CHODL: variants seen among roughly 807,000 people sequenced by gnomAD.
CHODL encodes chondrolectin.
Under a neutral mutation model 34.5 loss-of-function variants are expected in CHODL, and 29 were observed. The observed-to-expected ratio is 0.84, with a 90% CI of 0.63 to 1.15. CHODL has a LOEUF of 1.15. Among genes scored for constraint, CHODL ranks in the 50% most tolerant of loss-of-function variants. The pLI is 0.00. For missense variants in CHODL, 332 were observed against 332.5 expected, an observed-to-expected ratio of 1.00 and a Z score of 0.01; for synonymous variants, 125 against 116.1, an observed-to-expected ratio of 1.08 and a Z score of -0.49.
intron 2 of CHODL, among the ~76,000 whole-genome samples, chr21:18,123,723 C>A (rs1239265321): frequency 1.3e-5 from 2 of 152,090 alleles, no homozygotes; most frequent in Non-Finnish European, 2.9e-5. Flanking sequence ...CTTCTTAAGG[C>A]CTCACCTCCC....
At chr21:18,150,631 G>T (rs973856852) in intron 2 of CHODL, among the ~76,000 whole-genome samples, 2 of 152,084 alleles carry the variant, frequency 1.3e-5, no homozygotes, top group African/African-American at 4.8e-5. Flanking sequence ...CCCATTCAGG[G>T]GAACTCCACC....
intron 2 of CHODL, among the ~76,000 whole-genome samples, chr21:18,125,029 A>G (rs1320858632): frequency 6.6e-6 from 1 of 152,218 alleles, no homozygotes; most frequent in African/African-American, 2.4e-5. Context: ...CAGTAAATAT[A>G]CATGCATCAG....
At chr21:18,157,831 A>C (rs2146637828) in intron 2 of CHODL, among the ~76,000 whole-genome samples, 1 of 152,320 alleles carries the variant, frequency 6.6e-6, no homozygotes, top group East Asian at 1.9e-4. Flanking sequence ...TAATCTATAT[A>C]ATATAATCTA....
At position 18,256,623 on chromosome 21, in the gene CHODL, G is replaced by A. The variant is rs759939160; in HGVS notation, c.194G>A (p.Gly65Glu). 6.2e-7 allele frequency: 1 copy of A among 1,614,076 alleles called. No homozygotes were observed. Among genetic ancestry groups the A allele is most frequent in the South Asian group, 1.1e-5 (1 of 91,066 alleles). ...GCACGCCTGGCTTGTGAGAGTGAGG[G>A]AGGAGTCCTCCTCAGCCTTGAGAAT... is the stretch of plus-strand genomic sequence containing the variant. ...QEARLACESE[G>E]GVLLSLENEA... Residue 65 changes from glycine (G) to glutamate (E), a missense_variant, in exon 2 of 6, where the codon GGA becomes GAA. Gly to Glu is a moderately conservative substitution (Grantham distance 98). Coordinates refer to ENST00000299295, the MANE Select transcript of CHODL (RefSeq NM_024944.3).
At position 18,262,681 on chromosome 21, in the gene CHODL, A is replaced by G. The variant is rs912269283; in HGVS notation, c.635-110A>G. On this transcript the variant is annotated intron_variant, in intron 4 of 5. Coordinates refer to ENST00000299295, the MANE Select transcript of CHODL (RefSeq NM_024944.3). ...TATTTTGAGAAGAACTTTGGGGTCAATTTATTGAAAATTCTATTTCACCTG... is the reference window on the plus strand; with the variant it reads ...TATTTTGAGAAGAACTTTGGGGTCAGTTTATTGAAAATTCTATTTCACCTG... 2.0e-5 allele frequency: 13 copies of G among 659,886 alleles called. No individual in the cohort carries two copies. The African/African-American group carries it at 2.3e-4, about 12-fold the overall frequency. The allele number at this position is 659,886 out of a possible 1,614,324, so 40.9% of individuals were successfully genotyped here.
chr21:18,064,947 G>T (rs1208366776), intron 2 of CHODL, among the ~76,000 whole-genome samples: 3 of 152,180 alleles, frequency 2.0e-5, no homozygotes, highest in Admixed American at 2.0e-4. Flanking sequence ...ATTTGTGTCA[G>T]TGGGACTAGT....
At chr21:18,188,670 T>C (rs1344183748) in intron 2 of CHODL, among the ~76,000 whole-genome samples, 1 of 152,214 alleles carries the variant, frequency 6.6e-6, no homozygotes, top group Non-Finnish European at 1.5e-5. Context: ...GAACACAATC[T>C]GAATGATTTA....
intron 1 of CHODL, among the ~76,000 whole-genome samples, chr21:17,998,270 G>T (rs952079881): frequency 3.9e-5 from 6 of 152,224 alleles, no homozygotes; most frequent in African/African-American, 1.4e-4. Flanking sequence ...GGTGAGTTCT[G>T]ATGGTCTTGG....
At chr21:18,073,713 A>C (rs1407410861) in intron 2 of CHODL, among the ~76,000 whole-genome samples, 1 of 152,024 alleles carries the variant, frequency 6.6e-6, no homozygotes, top group East Asian at 1.9e-4. Context: ...AGCTAAGAAT[A>C]AAAAGATTAG....
chr21:18,090,954 A>C (rs1237358525), intron 2 of CHODL, among the ~76,000 whole-genome samples: 3 of 152,198 alleles, frequency 2.0e-5, no homozygotes, highest in African/African-American at 7.2e-5. Context: ...TGAGGACAAA[A>C]CAGGCATCTT....
chr21:18,217,497 C>T lies in CHODL; in HGVS notation c.-44-39012C>T, dbSNP rs116060456. On this transcript the variant is annotated intron_variant, in intron 2 of 6. Transcript: ENST00000400127. Reference sequence around the variant, plus strand: ...AGCAGCATGAGGGTAACTGCCCCCCCGACTCAATAACCTCCCATTGCGTCC... The same window carrying T: ...AGCAGCATGAGGGTAACTGCCCCCCTGACTCAATAACCTCCCATTGCGTCC... Among the ~76,000 whole-genome samples the T allele has an allele frequency of 3.7e-3, 559 of 152,170 alleles. 3 individuals are homozygous for T. The highest frequency in any genetic ancestry group is 0.012 in the African/African-American group (513 of 41,534).
intron 2 of CHODL, among the ~76,000 whole-genome samples, chr21:18,093,173 A>C (rs1272411070): frequency 6.6e-6 from 1 of 152,156 alleles, no homozygotes; most frequent in Non-Finnish European, 1.5e-5. Context: ...GCCAGGAGAG[A>C]GTGGCATGAC....
chr21:18,120,856 T>C (rs2065470912), intron 2 of CHODL, among the ~76,000 whole-genome samples: 1 of 152,176 alleles, frequency 6.6e-6, no homozygotes, highest in Non-Finnish European at 1.5e-5. Flanking sequence ...TGCCTTTCCA[T>C]GTGTACTCAC....
intron 1 of CHODL, among the ~76,000 whole-genome samples, chr21:17,923,821 C>T (rs1175299903): frequency 6.6e-6 from 1 of 152,082 alleles, no homozygotes; most frequent in Non-Finnish European, 1.5e-5. Context: ...CTTAAGTAGC[C>T]CTATAATTTA....
chr21:18,108,343 A>G (rs118170877), intron 2 of CHODL, among the ~76,000 whole-genome samples: 1,805 of 152,276 alleles, frequency 0.012, 19 homozygotes, highest in Non-Finnish European at 0.019. Context: ...CATGCCCTCA[A>G]TGACGTCTTA....
intron 2 of CHODL, among the ~76,000 whole-genome samples, chr21:18,178,700 C>T (rs9981720): frequency 0.11 from 17,082 of 152,082 alleles, 2,815 homozygotes; most frequent in African/African-American, 0.36. Flanking sequence ...TTCATCCCCA[C>T]CCTCTTCATG....
At chr21:18,137,558 G>A (rs2824650) in intron 2 of CHODL, among the ~76,000 whole-genome samples, 2 of 151,914 alleles carry the variant, frequency 1.3e-5, no homozygotes, top group Admixed American at 1.3e-4. Context: ...TTAGTCTGCA[G>A]AGCAATATCA....
chr21:18,236,170 C>T (rs769685103), intron 2 of CHODL, among the ~76,000 whole-genome samples: 7 of 152,094 alleles, frequency 4.6e-5, no homozygotes, highest in South Asian at 2.1e-4. Flanking sequence ...GAAGCAAACA[C>T]GTCCTTTTTC....
intron 2 of CHODL, among the ~76,000 whole-genome samples, chr21:18,078,665 A>T (rs145185039): frequency 3.3e-5 from 5 of 152,306 alleles, no homozygotes; most frequent in African/African-American, 1.2e-4. Context: ...CAAAGATAAG[A>T]ATGCCTTATT....
Sources: allele counts gnomAD v4.1 joint callset (sites outside exome capture counted in the v4.1 genomes callset), GRCh38; gene constraint gnomAD v4.1.1; transcripts MANE v1.5; gene names NCBI Gene and HGNC (gene_info 2026-07-23, HGNC 2026-07-21).